The following EML5 variants were observed in gnomAD, a reference collection of about 807,000 sequenced individuals.
EML5 encodes the protein EMAP like 5.
EML5 carries 120 observed loss-of-function variants against 250.0 expected under a neutral mutation model. The ratio of observed to expected loss-of-function variants is 0.48; its 90% CI spans 0.41 to 0.56. EML5 has a LOEUF of 0.56. EML5 is among the 20% of genes least tolerant of loss of function. The probability of loss-of-function intolerance (pLI) is 0.00; values close to 1 mark genes in which losing one functional copy is unlikely to be tolerated. For missense variants in EML5, 2,006 were observed against 2,437.6 expected, an observed-to-expected ratio of 0.82 and a Z score of 3.73; for synonymous variants, 771 against 806.5, an observed-to-expected ratio of 0.96 and a Z score of 0.75.
At chr14:88,758,486 C>T (rs1245053136) in intron 1 of EML5, among the ~76,000 whole-genome samples, 3 of 152,148 alleles carry the variant, frequency 2.0e-5, no homozygotes, top group East Asian at 1.9e-4. Flanking sequence ...TGAGCCACCG[C>T]GCCTGGCCCA....
chr14:88,732,192 G>C (rs1471906057), intron 7 of EML5, among the ~76,000 whole-genome samples: 1 of 152,036 alleles, frequency 6.6e-6, no homozygotes, highest in Non-Finnish European at 1.5e-5. Flanking sequence ...GGTTTTTATG[G>C]TTTTAGGTCT....
At chr14:88,717,091 C>T (rs1408544340) in intron 8 of EML5, among the ~76,000 whole-genome samples, 1 of 152,162 alleles carries the variant, frequency 6.6e-6, no homozygotes, top group East Asian at 1.9e-4. Context: ...ACCGAAGAAT[C>T]ATTTCTAGCT....
intron 7 of EML5, among the ~76,000 whole-genome samples, chr14:88,727,395 C>T (rs1231548118): frequency 4.8e-5 from 7 of 144,708 alleles, no homozygotes; most frequent in African/African-American, 1.6e-4. Flanking sequence ...TAGTGTGATA[C>T]ACTGCATTTT....
chr14:88,694,289 AAAG>A lies in EML5; in HGVS notation c.2539+15_2539+17del. 6.6e-7 allele frequency: 1 copy of A among 1,523,776 alleles called. No individual in the cohort carries two copies. Among genetic ancestry groups the A allele is most frequent in the African/African-American group, 1.4e-5 (1 of 72,792 alleles). The allele number at this position is 1,523,776 out of a possible 1,614,324, so 94.4% of individuals were successfully genotyped here. A position where few individuals can be genotyped will look rare whatever the true frequency, so the allele number is the denominator to read the frequency against. ...ATTTCTTAAAATTCTATGGAGTAAA[AAAG>A]AAGCACTTTCTTACCTGCTTTACGC... is the stretch of plus-strand genomic sequence containing the variant. On this transcript the variant is annotated intron_variant, in intron 17 of 43. Coordinates refer to ENST00000554922, the MANE Select transcript of EML5 (RefSeq NM_183387.3).
chr14:88,665,359 A>T lies in EML5; in HGVS notation c.3255T>A (p.Ile1085=). The T allele has an allele frequency of 6.2e-7, 1 of 1,612,992 alleles. No individual in the cohort carries two copies. Among genetic ancestry groups the T allele is most frequent in the Non-Finnish European group, 8.5e-7 (1 of 1,179,494 alleles). ...TACCAGGTGAAAATCGAATATCTGA[A>T]ATCATATCTTTTCTGTGATGAAAAG... ...LVSFHHRKDM[I]SDIRFSPGSG... Residue 1085 remains isoleucine (I), a synonymous_variant, in exon 22 of 44, where the codon ATT becomes ATA. Transcript: ENST00000554922.
chr14:88,690,435 G>A (rs537952925), intron 17 of EML5, among the ~76,000 whole-genome samples: 3 of 152,300 alleles, frequency 2.0e-5, no homozygotes, highest in East Asian at 1.9e-4. Context: ...AGAAGATGAC[G>A]AAAAGTGGTT....
intron 20 of EML5, 145 bp downstream of exon 20, chr14:88,684,870 A>G: frequency 1.4e-6 from 1 of 708,484 alleles, no homozygotes; most frequent in Non-Finnish European, 2.1e-6. Context: ...TTTTTTCTGT[A>G]TACATTAAAT....
chr14:88,671,297 C>A (rs1024992927), intron 21 of EML5, among the ~76,000 whole-genome samples: 1 of 152,258 alleles, frequency 6.6e-6, no homozygotes, highest in Admixed American at 6.5e-5. Context: ...TCATATCCAG[C>A]CAAACTAAGC....
At chr14:88,682,406 A>AT (rs974953002) in intron 20 of EML5, among the ~76,000 whole-genome samples, 3 of 146,144 alleles carry the variant, frequency 2.1e-5, no homozygotes, top group Non-Finnish European at 4.4e-5. Flanking sequence ...GTAAAAATCA[A>AT]TTAAAAAAAA....
In EML5 at chr14:88,622,771, T is replaced by G; in HGVS notation, c.4899-53A>C. 8 of 1,313,960 alleles carry G rather than the reference T, an allele frequency of 6.1e-6. No individual in the cohort carries two copies. The South Asian group carries it at 1.1e-4, about 19-fold the overall frequency. 81.4% of individuals were successfully genotyped at this position (1,313,960 alleles called of 1,614,324 possible). The stretch of plus-strand genomic sequence containing the variant: ...TGTTCATTATTGGCTACTATAATTT[T>G]TATTATAAACAAATACCAAGTTATA... On this transcript the variant is annotated intron_variant, in intron 36 of 43. Transcript: ENST00000554922.
intron 14 of EML5, among the ~76,000 whole-genome samples, chr14:88,700,773 A>C (rs888664737): frequency 5.3e-5 from 8 of 152,198 alleles, no homozygotes; most frequent in African/African-American, 1.7e-4. Context: ...CCTGTACCGG[A>C]AAGGTTAGAT....
At position 88,746,200 on chromosome 14, in the gene EML5, A is replaced by G. The variant is rs1595755390; in HGVS notation, c.441T>C (p.Pro147=). The change falls in exon 3 of 44, where the codon CCT becomes CCC. Residue 147 remains proline (P), a synonymous_variant. Transcript: ENST00000554922. ...GAATACTTACTCTATCTGTATGACC[A>G]GGAGCCATAGACAACATTTTTCCCC... is the stretch of plus-strand genomic sequence containing the variant. ...WKRGKMLSMA[P]GHTDRIFDIS... The G allele has an allele frequency of 6.2e-7, 1 of 1,612,680 alleles. No individual in the cohort carries two copies.
At chr14:88,658,008 T>C (rs2091935123) in intron 26 of EML5, among the ~76,000 whole-genome samples, 179 bp downstream of exon 26, 1 of 152,182 alleles carries the variant, frequency 6.6e-6, no homozygotes, top group Non-Finnish European at 1.5e-5. Context: ...ATCAAAGTCA[T>C]AAATTCATGG....
At position 88,616,232 on chromosome 14, in the gene EML5, T is replaced by A. The variant is rs746395722; in HGVS notation, c.5807A>T (p.Lys1936Ile). The part of the protein sequence containing the change: ...FPCPEKFAKH[K>I]RFLGHSPHVT... ...ATGGGGCGAATGACCCAAGAACCTT[T>A]TGTGTTTTGCCTAAAAAACAATGAC... Residue 1936 changes from lysine (K) to isoleucine (I), a missense_variant, in exon 43 of 44, where the codon AAA becomes ATA. Around this residue, in one of 7 missense-constraint regions of EML5, gnomAD observed 56 missense variants for 55.1 expected, o/e 1.02. Coordinates refer to ENST00000554922, the MANE Select transcript of EML5 (RefSeq NM_183387.3). 1.9e-4 allele frequency: 311 copies of A among 1,613,738 alleles called. No homozygotes were observed. Among genetic ancestry groups the A allele is most frequent in the Non-Finnish European group, 2.5e-4 (295 of 1,179,776 alleles).
At chr14:88,729,873 T>TG (rs796957789) in intron 7 of EML5, among the ~76,000 whole-genome samples, 1 of 149,490 alleles carries the variant, frequency 6.7e-6, no homozygotes, top group Non-Finnish European at 1.5e-5. Flanking sequence ...GTTTTTTGTT[T>TG]TTTTTTTTTG....
chr14:88,697,422 A>T (rs2093104867), intron 14 of EML5, among the ~76,000 whole-genome samples: 1 of 152,240 alleles, frequency 6.6e-6, no homozygotes, highest in Admixed American at 6.5e-5. Flanking sequence ...CAGAAAGCAC[A>T]GAACTTGAAT....
intron 1 of EML5, among the ~76,000 whole-genome samples, chr14:88,782,523 T>A (rs2094507712): frequency 6.6e-6 from 1 of 152,112 alleles, no homozygotes; most frequent in African/African-American, 2.4e-5. Context: ...GCCCCTCCCA[T>A]CACAGGCTCG....
chr14:88,651,593 T>A (rs950419927), intron 27 of EML5, among the ~76,000 whole-genome samples: 1 of 152,130 alleles, frequency 6.6e-6, no homozygotes, highest in East Asian at 1.9e-4. Flanking sequence ...TTTATGGGAA[T>A]GTCTAGAGCC....
Position 88,694,404 on chromosome 14 carries a change from TCC to T in EML5, c.2440_2441del (p.Gly814LysfsTer2). The T allele has an allele frequency of 6.4e-7, 1 of 1,558,120 alleles. No homozygotes were observed. Among genetic ancestry groups the T allele is most frequent in the Non-Finnish European group, 8.7e-7 (1 of 1,145,942 alleles). ...KKGEKLSIAR[G>X]SKDKIFVVKM... ...TTACAACAAAAATCTTATCTTTACTTCCTCTGAAATAAACATCGAAATGTTTT... is the reference window on the plus strand; with the variant it reads ...TTACAACAAAAATCTTATCTTTACTTTCTGAAATAAACATCGAAATGTTTT... On this transcript the variant is annotated frameshift_variant and splice_region_variant, in exon 17 of 44. Coordinates refer to ENST00000554922, the MANE Select transcript of EML5 (RefSeq NM_183387.3). LOFTEE classifies it high-confidence loss of function.
Sources: gnomAD v4.1 joint callset for allele counts (sites outside exome capture counted in the v4.1 genomes callset) on GRCh38, gnomAD v4.1.1 for gene constraint, gnomAD v4.1.1 regional missense constraint, MANE v1.5 for transcripts, NCBI Gene and HGNC (gene_info 2026-07-23, HGNC 2026-07-21) for gene names.